MTUS2: variants seen among roughly 807,000 people sequenced by gnomAD.
The protein encoded by MTUS2 is microtubule-associated tumor suppressor candidate 2.
MTUS2 carries 40 observed loss-of-function variants against 114.1 expected under a neutral mutation model. The observed-to-expected ratio is 0.35, with a 90% CI of 0.27 to 0.46. MTUS2 has a LOEUF of 0.46. MTUS2 is among the 20% of genes least tolerant of loss of function. MTUS2 has a pLI of 1.00. For synonymous variants in MTUS2, 688 were observed against 672.0 expected (o/e 1.02, Z -0.37); for missense variants, 1,679 against 1,705.4 (o/e 0.98, Z 0.27).
At chr13:29,226,565 T>C (rs1300770453) in intron 5 of MTUS2, among the ~76,000 whole-genome samples, 1 of 152,056 alleles carries the variant, frequency 6.6e-6, no homozygotes, top group African/African-American at 2.4e-5. Flanking sequence ...TATTTTAAAA[T>C]TTTAAATATT....
At chr13:28,862,332 T>C (rs1272449641) in intron 2 of MTUS2, among the ~76,000 whole-genome samples, 1 of 152,224 alleles carries the variant, frequency 6.6e-6, no homozygotes, top group Non-Finnish European at 1.5e-5. Flanking sequence ...TTTAAATGGC[T>C]GGGCATGGTG....
rs1235635094 is a variant in MTUS2, at chr13:28,885,660, TACAACACATGCTTGTATGG to T, written c.-243+45813_-243+45831del. 7.9e-5 allele frequency among the ~76,000 whole-genome samples: 12 copies of T among 152,212 alleles called. 1 individual carries two copies. Among genetic ancestry groups the T allele is most frequent in the Non-Finnish European group, 1.8e-4 (12 of 68,036 alleles). ...CCATGGTTTATAAGCAGGAAGTGTTTACAACACATGCTTGTATGGACCAATCTTAAAGGTGAATATTCAA... is the reference window on the plus strand; with the variant it reads ...CCATGGTTTATAAGCAGGAAGTGTTTACCAATCTTAAAGGTGAATATTCAA... On this transcript the variant is annotated intron_variant, in intron 2 of 15. Coordinates refer to ENST00000612955, the MANE Select transcript of MTUS2 (RefSeq NM_001033602.4).
intron 1 of MTUS2, among the ~76,000 whole-genome samples, chr13:28,825,085 T>C (rs1482808194): frequency 6.6e-6 from 1 of 152,160 alleles, no homozygotes; most frequent in African/African-American, 2.4e-5. Flanking sequence ...CTTTTCCTCA[T>C]GACAGCAGCC....
intron 6 of MTUS2, among the ~76,000 whole-genome samples, chr13:29,286,672 G>GTCTATCTATCTATCTATCTATCTATATA (rs1898500201): frequency 9.0e-6 from 1 of 110,922 alleles, no homozygotes; most frequent in South Asian, 3.7e-4. Flanking sequence ...CTGTCTGTCT[G>GTCTATCTATCTATCTATCTATCTATATA]TCTATCTATC....
At chr13:29,138,552 G>C (rs1011060657) in intron 5 of MTUS2, among the ~76,000 whole-genome samples, 1 of 135,726 alleles carries the variant, frequency 7.4e-6, no homozygotes, top group African/African-American at 2.5e-5. Flanking sequence ...TTACTGGAAA[G>C]ACTATATTAA....
chr13:29,304,224 A>G (rs1316771259), intron 6 of MTUS2, among the ~76,000 whole-genome samples: 1 of 152,188 alleles, frequency 6.6e-6, no homozygotes, highest in Non-Finnish European at 1.5e-5. Context: ...AAGCAACCAC[A>G]TTAAAAAAAG....
At chr13:29,241,167 C>G (rs1896717531) in intron 5 of MTUS2, among the ~76,000 whole-genome samples, 1 of 152,184 alleles carries the variant, frequency 6.6e-6, no homozygotes. Flanking sequence ...CCCTGGGTTA[C>G]AGGGCTTAGA....
chr13:29,020,920 A>C (rs531761217), intron 2 of MTUS2, among the ~76,000 whole-genome samples: 1 of 152,122 alleles, frequency 6.6e-6, no homozygotes, highest in African/African-American at 2.4e-5. Flanking sequence ...AAGTGTCCTA[A>C]CTTAAATTAA....
At chr13:29,474,026 C>T (rs983819732) in intron 9 of MTUS2, among the ~76,000 whole-genome samples, 1 of 152,168 alleles carries the variant, frequency 6.6e-6, no homozygotes, top group Non-Finnish European at 1.5e-5. Flanking sequence ...GGAGCCATTT[C>T]CCCTGGTGCC....
intron 7 of MTUS2, among the ~76,000 whole-genome samples, chr13:29,342,101 TCTTTTTGCTTAGC>T (rs1433050483): frequency 2.0e-5 from 3 of 152,188 alleles, no homozygotes; most frequent in Non-Finnish European, 4.4e-5. Flanking sequence ...CCAGATTTGT[TCTTTTTGCTTAGC>T]CTTGCTTTGG....
chr13:28,875,417 TA>T (rs1490102364), intron 2 of MTUS2, among the ~76,000 whole-genome samples: 3 of 152,260 alleles, frequency 2.0e-5, no homozygotes, highest in Non-Finnish European at 4.4e-5. Flanking sequence ...CAAACTTAGA[TA>T]AAGTGGATTT....
At chr13:28,836,980 C>G (rs11618240) in intron 1 of MTUS2, among the ~76,000 whole-genome samples, 1 of 152,032 alleles carries the variant, frequency 6.6e-6, no homozygotes, top group African/African-American at 2.4e-5. Context: ...CCCTTAGTCT[C>G]CTATTCTGCA....
chr13:29,385,870 T>C (rs1872599926), intron 8 of MTUS2, among the ~76,000 whole-genome samples: 1 of 152,228 alleles, frequency 6.6e-6, no homozygotes. Context: ...TTCCTAGCAC[T>C]GTCCCACATG....
chr13:29,392,145 C>A (rs79186567), intron 8 of MTUS2, among the ~76,000 whole-genome samples: 44 of 16,240 alleles, frequency 2.7e-3, no homozygotes, highest in Admixed American at 0.014. Context: ...AAAAAACAAA[C>A]CAAAAAAAAA....
At chr13:29,254,324 G>A (rs1409691107) in intron 5 of MTUS2, among the ~76,000 whole-genome samples, 1 of 152,212 alleles carries the variant, frequency 6.6e-6, no homozygotes, top group Non-Finnish European at 1.5e-5. Flanking sequence ...GAACAAACAG[G>A]CACACAGGAA....
intron 9 of MTUS2, among the ~76,000 whole-genome samples, chr13:29,467,326 T>G (rs1879960087): frequency 6.6e-6 from 1 of 152,184 alleles, no homozygotes; most frequent in African/African-American, 2.4e-5. Context: ...TAACAAATAT[T>G]CATTTGAGAT....
intron 5 of MTUS2, among the ~76,000 whole-genome samples, chr13:29,218,332 A>G (rs1294980387): frequency 6.6e-6 from 1 of 152,144 alleles, no homozygotes; most frequent in African/African-American, 2.4e-5. Context: ...TTCGTTTGCT[A>G]TTTCTACCAC....
Position 29,305,397 on chromosome 13 carries a change from A to G in MTUS2, c.2807-19216A>G, listed in dbSNP as rs996657711. ...AATAAAGAGACAGGCTGCTGGCTAG[A>G]CTAATAAAGAAGAAAAGAGAGAAGA... On this transcript the variant is annotated intron_variant, in intron 6 of 15. Transcript: ENST00000612955. Among the ~76,000 whole-genome samples, 18 of 152,268 alleles carry G rather than the reference A, an allele frequency of 1.2e-4. 1 individual carries two copies. Among genetic ancestry groups the G allele is most frequent in the African/African-American group, 4.3e-4 (18 of 41,558 alleles).
chr13:29,446,288 G>A (rs1878273457), intron 9 of MTUS2, among the ~76,000 whole-genome samples: 2 of 152,192 alleles, frequency 1.3e-5, no homozygotes, highest in Admixed American at 1.3e-4. Flanking sequence ...TATGGAGCAG[G>A]CAGAGAAGTC....
Sources: allele counts gnomAD v4.1 joint callset (sites outside exome capture counted in the v4.1 genomes callset), GRCh38; gene constraint gnomAD v4.1.1; transcripts MANE v1.5; gene names NCBI Gene and HGNC (gene_info 2026-07-23, HGNC 2026-07-21).